SOX6: variants seen among roughly 807,000 people sequenced by gnomAD.
SOX6 encodes SRY-box transcription factor 6, also known as transcription factor SOX-6.
A neutral mutation model predicts 97.8 loss-of-function variants in SOX6; 11 were observed. The observed-to-expected ratio is 0.11, with a 90% CI of 0.07 to 0.19. The LOEUF is 0.19. Ranked by LOEUF, SOX6 falls within the 10% of genes least tolerant of loss-of-function variation. The pLI is 1.00. For missense variants in SOX6, 810 were observed against 1,039.5 expected (o/e 0.78, Z 3.04); for synonymous variants, 360 against 371.4 (o/e 0.97, Z 0.35).
At chr11:16,675,751 T>C (rs1403818587) in intron 3 of SOX6, among the ~76,000 whole-genome samples, 2 of 152,224 alleles carry the variant, frequency 1.3e-5, no homozygotes, top group Admixed American at 1.3e-4. Flanking sequence ...TTCAATTACT[T>C]TGAAGATGTC....
intron 3 of SOX6, chr11:16,313,841 G>A (rs1855683182): frequency 6.8e-6 from 1 of 148,048 alleles, no homozygotes; most frequent in Non-Finnish European, 1.5e-5. Flanking sequence ...TAAAAATTCT[G>A]AGCACTCTTT....
intron 1 of SOX6, among the ~76,000 whole-genome samples, chr11:16,429,906 C>T (rs751658870): frequency 6.6e-6 from 1 of 152,166 alleles, no homozygotes; most frequent in African/African-American, 2.4e-5. Flanking sequence ...CTATAATAAA[C>T]AAACAAGCTC....
chr11:16,093,283 C>A (rs191538823), intron 9 of SOX6, among the ~76,000 whole-genome samples: 1 of 151,922 alleles, frequency 6.6e-6, no homozygotes. Context: ...CACTCTTTGG[C>A]CTTCTTTCTC....
chr11:16,341,422 C>CCTTTTTCGTT (rs1469799383), intron 1 of SOX6, among the ~76,000 whole-genome samples, 170 bp from the exon 2 acceptor site: 4 of 152,036 alleles, frequency 2.6e-5, no homozygotes, highest in African/African-American at 4.8e-5. Context: ...TCCTTCTTTC[C>CCTTTTTCGTT]CTCTTTGCTT....
At chr11:16,443,215 T>A (rs1859539984) in intron 1 of SOX6, among the ~76,000 whole-genome samples, 3 of 152,206 alleles carry the variant, frequency 2.0e-5, no homozygotes, top group African/African-American at 7.2e-5. Context: ...TTTCTACATA[T>A]ATTTTTTCAT....
intron 1 of SOX6, among the ~76,000 whole-genome samples, chr11:16,371,512 G>A (rs975311853): frequency 4.0e-5 from 6 of 151,152 alleles, no homozygotes; most frequent in Admixed American, 1.3e-4. Context: ...CTACTAGAAC[G>A]TAAGCTCCTT....
At chr11:15,976,773 A>AT (rs938128491) in intron 15 of SOX6, among the ~76,000 whole-genome samples, 29 of 152,272 alleles carry the variant, frequency 1.9e-4, no homozygotes, top group African/African-American at 6.5e-4. Context: ...TTGGTTCTGT[A>AT]TAACCCTTTT....
chr11:16,650,467 A>G (rs1387929728), intron 3 of SOX6, among the ~76,000 whole-genome samples: 1 of 152,188 alleles, frequency 6.6e-6, no homozygotes, highest in Non-Finnish European at 1.5e-5. Context: ...ATTAACTCCA[A>G]AAGGAACCCT....
intron 4 of SOX6, among the ~76,000 whole-genome samples, chr11:16,558,889 T>C (rs1404263159): frequency 6.6e-6 from 1 of 152,092 alleles, no homozygotes; most frequent in African/African-American, 2.4e-5. Context: ...TGCTTACATT[T>C]GCAATACATC....
intron 2 of SOX6, among the ~76,000 whole-genome samples, chr11:16,326,989 T>C (rs1465270828): frequency 1.3e-5 from 2 of 152,196 alleles, no homozygotes; most frequent in East Asian, 3.9e-4. Flanking sequence ...TTCTCTACAG[T>C]ATGTTAGTTT....
intron 3 of SOX6, among the ~76,000 whole-genome samples, chr11:16,637,996 T>A (rs573463643): frequency 3.2e-4 from 48 of 151,970 alleles, no homozygotes; most frequent in African/African-American, 1.1e-3. Context: ...ATGTGCCATG[T>A]TGGTGTGCTG....
In SOX6 at chr11:16,055,914, G is replaced by A. The variant is rs962860053; in HGVS notation, c.1102-13C>T. On this transcript the variant is annotated splice_polypyrimidine_tract_variant and intron_variant, in intron 9 of 15. Transcript: ENST00000683767. ...CGGCATAGAGCTGCTGCAAAACAGG[G>A]AAGACAAACATTGATCTCTTTAAAT... 2 of 1,613,096 alleles carry A rather than the reference G, an allele frequency of 1.2e-6. No homozygotes were observed. The highest frequency in any genetic ancestry group is 3.3e-5 in the Admixed American group (2 of 59,896).
At chr11:16,659,634 G>T (rs1847750667) in intron 3 of SOX6, among the ~76,000 whole-genome samples, 1 of 152,206 alleles carries the variant, frequency 6.6e-6, no homozygotes, top group African/African-American at 2.4e-5. Context: ...ACATCTTAGT[G>T]CTGGCCACAT....
At chr11:16,519,447 G>A (rs986489499) in intron 4 of SOX6, among the ~76,000 whole-genome samples, 1 of 152,070 alleles carries the variant, frequency 6.6e-6, no homozygotes, top group Non-Finnish European at 1.5e-5. Context: ...AAAACATGCA[G>A]TATTCCTGTT....
chr11:16,414,368 T>C (rs1174059635), intron 1 of SOX6, among the ~76,000 whole-genome samples: 1 of 152,192 alleles, frequency 6.6e-6, no homozygotes, highest in Non-Finnish European at 1.5e-5. Context: ...TAGTAAAAGC[T>C]GGCAGCACAT....
chr11:16,444,951 A>T (rs1463902840), intron 1 of SOX6, among the ~76,000 whole-genome samples: 1 of 152,226 alleles, frequency 6.6e-6, no homozygotes, highest in East Asian at 1.9e-4. Flanking sequence ...TGTAAAACTC[A>T]AAGTCATGTA....
intron 9 of SOX6, among the ~76,000 whole-genome samples, chr11:16,083,142 C>T (rs1011052780): frequency 3.3e-5 from 5 of 152,194 alleles, no homozygotes; most frequent in African/African-American, 4.8e-5. Flanking sequence ...GAGCTAAGCA[C>T]TTCCTCCTTT....
chr11:16,275,624 T>G (rs988048602), intron 3 of SOX6, among the ~76,000 whole-genome samples: 7 of 152,332 alleles, frequency 4.6e-5, no homozygotes, highest in African/African-American at 1.7e-4. Flanking sequence ...ACAAAGGGCC[T>G]ATTTGATAAG....
intron 12 of SOX6, chr11:16,031,557 G>T (rs1292888231): frequency 6.6e-6 from 1 of 152,212 alleles, no homozygotes; most frequent in South Asian, 2.1e-4. Flanking sequence ...GGGTAGGTAG[G>T]TATGCAGGTA....
Sources: gnomAD v4.1 joint callset for allele counts (sites outside exome capture counted in the v4.1 genomes callset) on GRCh38, gnomAD v4.1.1 for gene constraint, MANE v1.5 for transcripts, NCBI Gene and HGNC (gene_info 2026-07-23, HGNC 2026-07-21) for gene names.